The following COL22A1 variants were observed in gnomAD, a reference collection of about 807,000 sequenced individuals.
The protein encoded by COL22A1 is collagen alpha-1(XXII) chain.
A neutral mutation model predicts 248.9 loss-of-function variants in COL22A1; 221 were observed. That is an observed-to-expected ratio of 0.89 (90% CI 0.80 to 0.99). The LOEUF is 0.99. Among genes scored for constraint, COL22A1 ranks in the 50% least tolerant of loss-of-function variants. The pLI is 0.00. For missense variants in COL22A1, 2,240 were observed against 2,179.0 expected (o/e 1.03, Z -0.56); for synonymous variants, 891 against 793.4 (o/e 1.12, Z -2.07).
chr8:138,844,726 G>A (rs898038385), intron 3 of COL22A1, among the ~76,000 whole-genome samples: 19 of 152,048 alleles, frequency 1.2e-4, no homozygotes, highest in Middle Eastern at 3.2e-3. Flanking sequence ...CGAGGCGGGC[G>A]GATCACGAGG....
chr8:138,618,078 G>C (rs1249222395), intron 53 of COL22A1, among the ~76,000 whole-genome samples: 2 of 152,194 alleles, frequency 1.3e-5, no homozygotes, highest in African/African-American at 4.8e-5. Context: ...AACTGAGAGA[G>C]TGCCTGTCAG....
Position 138,676,619 on chromosome 8 carries a change from G to A in COL22A1, c.3089C>T (p.Pro1030Leu). Residue 1030 changes from proline (P) to leucine (L), a missense_variant, in exon 41 of 65, where the codon CCT becomes CTT. Coordinates refer to ENST00000303045, the MANE Select transcript of COL22A1 (RefSeq NM_152888.3). ...GCTGCCAGGAGAACCAGGGATCCCA[G>A]GAGCTCCTCGATCCCCCTAGAAAGA... is the stretch of plus-strand genomic sequence containing the variant. ...GQCVKGDRGAPGIPGSPGSRG... is the reference protein window; with the variant it reads ...GQCVKGDRGALGIPGSPGSRG... 1 of 1,565,564 alleles carries A rather than the reference G, an allele frequency of 6.4e-7. No individual in the cohort carries two copies.
chr8:138,861,515 C>T (rs927609839), intron 3 of COL22A1, among the ~76,000 whole-genome samples: 6 of 152,202 alleles, frequency 3.9e-5, no homozygotes, highest in Non-Finnish European at 4.4e-5. Flanking sequence ...GGACTCAACG[C>T]GCAGCGCCGC....
In COL22A1 at chr8:138,684,462, C is replaced by T. The variant is rs151252641; in HGVS notation, c.2975G>A (p.Arg992His). ...GGGTCCAGGGAGTCCAGGTGATCCA[C>T]GGAGTCCCTGGAGAAATAAATAATA... is the stretch of plus-strand genomic sequence containing the variant. ...GKGKDGEPGL[R>H]GSPGLPGPLG... The change falls in exon 39 of 65, where the codon CGT becomes CAT. Residue 992 changes from arginine to histidine, a missense_variant. Transcript: ENST00000303045. 2.5e-4 allele frequency: 404 copies of T among 1,609,812 alleles called. No homozygotes were observed. Among genetic ancestry groups the T allele is most frequent in the Non-Finnish European group, 3.2e-4 (382 of 1,176,280 alleles).
intron 27 of COL22A1, among the ~76,000 whole-genome samples, chr8:138,717,383 G>A (rs899411483): frequency 1.2e-4 from 19 of 152,180 alleles, no homozygotes; most frequent in African/African-American, 4.1e-4. Flanking sequence ...TCCTGACCTC[G>A]TGATCAGCCT....
intron 62 of COL22A1, among the ~76,000 whole-genome samples, 156 bp from the exon 63 acceptor site, chr8:138,594,355 G>A (rs1303126539): frequency 1.3e-5 from 2 of 151,582 alleles, no homozygotes; most frequent in Non-Finnish European, 3.0e-5. Flanking sequence ...CAGAACCAAG[G>A]GGCCGATAAT....
intron 41 of COL22A1, 100 bp downstream of exon 41, chr8:138,676,458 G>A (rs113791387): frequency 0.11 from 15,448 of 146,704 alleles, 37 homozygotes; most frequent in Non-Finnish European, 0.15. Flanking sequence ...AGAAAGAAAG[G>A]AAGAAAGAAA....
chr8:138,802,031 C>T (rs1034345854), intron 11 of COL22A1, among the ~76,000 whole-genome samples: 1 of 152,186 alleles, frequency 6.6e-6, no homozygotes, highest in African/African-American at 2.4e-5. Flanking sequence ...GTGCTTCCAC[C>T]AGGACAGGGA....
At chr8:138,669,847 C>T (rs1346945973) in intron 41 of COL22A1, among the ~76,000 whole-genome samples, 2 of 150,468 alleles carry the variant, frequency 1.3e-5, no homozygotes. Flanking sequence ...TATTTAAAAA[C>T]TATTTTCTAT....
intron 30 of COL22A1, among the ~76,000 whole-genome samples, chr8:138,711,088 G>A (rs577560326): frequency 6.6e-6 from 1 of 152,268 alleles, no homozygotes; most frequent in African/African-American, 2.4e-5. Flanking sequence ...ACCCATGGGG[G>A]CTCTCTGCCT....
intron 1 of COL22A1, among the ~76,000 whole-genome samples, chr8:138,895,378 GT>G (rs1825332132): frequency 6.6e-6 from 1 of 152,010 alleles, no homozygotes; most frequent in Non-Finnish European, 1.5e-5. Flanking sequence ...TAAAGCAGAA[GT>G]CATAGAAATG....
chr8:138,844,949 CAAAA>C (rs56957004), intron 3 of COL22A1, among the ~76,000 whole-genome samples: 2 of 49,322 alleles, frequency 4.1e-5, no homozygotes, highest in Non-Finnish European at 4.4e-5. Flanking sequence ...GACTCCATCT[CAAAA>C]AAAAAAAAAA....
intron 17 of COL22A1, among the ~76,000 whole-genome samples, chr8:138,762,019 C>T (rs1299874184): frequency 6.6e-6 from 1 of 152,242 alleles, no homozygotes; most frequent in African/African-American, 2.4e-5. Flanking sequence ...ATAGCACTCT[C>T]TGTGTCGATG....
intron 55 of COL22A1, among the ~76,000 whole-genome samples, chr8:138,614,310 A>G (rs2131898366): frequency 6.6e-6 from 1 of 152,332 alleles, no homozygotes; most frequent in South Asian, 2.1e-4. Context: ...TGAAAAACCC[A>G]TGCCACCCAG....
intron 23 of COL22A1, among the ~76,000 whole-genome samples, chr8:138,732,683 G>A (rs1451152170): frequency 2.0e-5 from 3 of 151,912 alleles, no homozygotes; most frequent in Non-Finnish European, 4.4e-5. Context: ...AACAAAATAT[G>A]ACTGTTCTCA....
chr8:138,692,128 A>AATGTGTGTATG (rs1587876972), intron 35 of COL22A1, among the ~76,000 whole-genome samples: 1 of 6,826 alleles, frequency 1.5e-4, no homozygotes, highest in Non-Finnish European at 3.3e-4. Flanking sequence ...GTATGTGTGT[A>AATGTGTGTATG]CGTGTGTGCA....
intron 19 of COL22A1, 48 bp downstream of exon 19, chr8:138,755,737 C>G (rs1467948587): frequency 6.3e-7 from 1 of 1,595,688 alleles, no homozygotes; most frequent in Admixed American, 1.7e-5. Context: ...TCCAACCACC[C>G]AATCCCACCA....
At chr8:138,615,328 C>T (rs539207196) in intron 55 of COL22A1, among the ~76,000 whole-genome samples, 3 of 152,194 alleles carry the variant, frequency 2.0e-5, no homozygotes, top group Non-Finnish European at 4.4e-5. Flanking sequence ...GTCAGCAGTT[C>T]GAGACCAGCC....
chr8:138,796,552 T>TC (rs1462177096), intron 12 of COL22A1, among the ~76,000 whole-genome samples: 2 of 151,920 alleles, frequency 1.3e-5, no homozygotes, highest in African/African-American at 4.8e-5. Flanking sequence ...TGCCTGGAAT[T>TC]CCCCAAGATA....
Sources: gnomAD v4.1 joint callset for allele counts (sites outside exome capture counted in the v4.1 genomes callset) on GRCh38, gnomAD v4.1.1 for gene constraint, MANE v1.5 for transcripts, NCBI Gene and HGNC (gene_info 2026-07-23, HGNC 2026-07-21) for gene names.